The following ARID3C variants were observed in gnomAD, a reference collection of about 807,000 sequenced individuals.
ARID3C encodes AT-rich interactive domain-containing protein 3C.
ARID3C carries 42 observed loss-of-function variants against 37.9 expected under a neutral mutation model. The observed-to-expected ratio is 1.11, with a 90% CI of 0.87 to 1.43. The LOEUF (loss-of-function observed/expected upper bound fraction) is 1.43, where lower values mean the gene tolerates loss of function less well. Among genes scored for constraint, ARID3C ranks in the 40% most tolerant of loss-of-function variants. The pLI is 0.00. For missense variants in ARID3C, 581 were observed against 548.8 expected (o/e 1.06, Z -0.59); for synonymous variants, 213 against 228.0 (o/e 0.93, Z 0.59).
rs770397414 is a variant in ARID3C, at chr9:34,624,095, C to G, written c.392-48G>C. The G allele has an allele frequency of 5.9e-6, 9 of 1,520,028 alleles. No homozygotes were observed. In the Middle Eastern group the frequency reaches 1.5e-3, roughly 260 times the overall value. The allele number at this position is 1,520,028 out of a possible 1,614,324, so 94.2% of individuals were successfully genotyped here. On this transcript the variant is annotated intron_variant, in intron 2 of 6. Coordinates refer to ENST00000378909, the Ensembl canonical transcript of ARID3C. ...CAGGACACTGAGACGAAGACCCTGTCTGCAGCATCCCCAGGGACTGATACA... is the reference window on the plus strand; with the variant it reads ...CAGGACACTGAGACGAAGACCCTGTGTGCAGCATCCCCAGGGACTGATACA...
intron 3 of ARID3C, 31 bp downstream of exon 4, chr9:34,623,833 C>A: frequency 6.5e-7 from 1 of 1,541,978 alleles, no homozygotes. Context: ...ACCCGTGCCC[C>A]CTTCCCTTCC....
intron 2 of ARID3C, 145 bp downstream of exon 3, chr9:34,625,597 C>G (rs1820643835): frequency 1.9e-6 from 1 of 517,202 alleles, no homozygotes; most frequent in Non-Finnish European, 3.2e-6. Context: ...AGGAGGGGGA[C>G]AGGGTCAGAG....
chr9:34,623,349 A>T, intron 4 of ARID3C, 76 bp downstream of exon 5: 24 of 1,433,152 alleles, frequency 1.7e-5, no homozygotes, highest in Non-Finnish European at 2.2e-5. Flanking sequence ...CAATCCTCAC[A>T]TTTTAATGGT....
downstream of ARID3C, chr9:34,621,278 C>T (rs1386665708): frequency 6.2e-6 from 3 of 483,642 alleles, no homozygotes; most frequent in African/African-American, 4.1e-5. Flanking sequence ...AGGTGCCCTC[C>T]CTTTACAATG....
chr9:34,631,717 G>A (rs1191183640), upstream of ARID3C, among the ~76,000 whole-genome samples: 1 of 152,210 alleles, frequency 6.6e-6, no homozygotes, highest in African/African-American at 2.4e-5. Context: ...CCATAATTTA[G>A]CAGCTTAAAA....
upstream of ARID3C, chr9:34,628,170 A>G: frequency 9.7e-7 from 1 of 1,035,896 alleles, no homozygotes; most frequent in Non-Finnish European, 1.3e-6. This position sits in a 1 kb window ranked among gnomAD's most constrained non-coding sequence, Gnocchi z 5.2. Flanking sequence ...GGATTCAGGG[A>G]AGTGCAGGGG....
intron 1 of ARID3C, 74 bp from the exon 3 acceptor site, chr9:34,625,888 C>A: frequency 6.5e-7 from 1 of 1,535,788 alleles, no homozygotes; most frequent in Non-Finnish European, 9.0e-7. Flanking sequence ...TCAGGTTGTA[C>A]CCTGAACAAG....
At position 34,622,943 on chromosome 9, in the gene ARID3C, C is replaced by A. The variant is rs532441212; in HGVS notation, c.866-414G>T. On this transcript the variant is annotated intron_variant, in intron 4 of 6. Coordinates refer to ENST00000378909, the Ensembl canonical transcript of ARID3C. The stretch of plus-strand genomic sequence containing the variant: ...AGGGCGGATCACGTGGTCAGGAGAT[C>A]GAGACCATCCTGGCTAACACGGTGA... Among the ~76,000 whole-genome samples, 3 of 151,860 alleles carry A rather than the reference C, an allele frequency of 2.0e-5. No individual in the cohort carries two copies. In the East Asian group the frequency reaches 5.8e-4, roughly 29 times the overall value.
intron 4 of ARID3C, among the ~76,000 whole-genome samples, 186 bp downstream of exon 5, chr9:34,623,239 T>A (rs1446993078): frequency 2.0e-5 from 3 of 151,682 alleles, no homozygotes; most frequent in Non-Finnish European, 4.4e-5. Flanking sequence ...AGAGCTCTCA[T>A]TTGGCCGCAA....
chr9:34,627,988 T>C, exon 1 of ARID3C: 1 of 1,512,634 alleles, frequency 6.6e-7, no homozygotes, highest in Non-Finnish European at 8.9e-7. Context: ...CCAGCCGAGC[T>C]GCCTGCTGCT....
intron 2 of ARID3C, among the ~76,000 whole-genome samples, chr9:34,625,033 G>A (rs1010983790): frequency 6.6e-6 from 1 of 152,122 alleles, no homozygotes; most frequent in Non-Finnish European, 1.5e-5. Context: ...GGCCGGGAGT[G>A]GGAAGTGGGC....
chr9:34,626,351 C>T (rs893757918), intron 1 of ARID3C, among the ~76,000 whole-genome samples: 1 of 152,150 alleles, frequency 6.6e-6, no homozygotes, highest in Non-Finnish European at 1.5e-5. Context: ...ACACCCAGGG[C>T]CCTTCAGCTC....
At chr9:34,621,375 T>C, downstream of ARID3C, 3 of 1,005,252 alleles carry the variant, frequency 3.0e-6, no homozygotes, top group Non-Finnish European at 4.2e-6. Flanking sequence ...GGTCCCAGAG[T>C]GGGCAGCCAG....
chr9:34,624,240 A>C (rs894902417), intron 2 of ARID3C, among the ~76,000 whole-genome samples, 193 bp from the exon 4 acceptor site: 2 of 152,100 alleles, frequency 1.3e-5, no homozygotes, highest in African/African-American at 4.8e-5. Context: ...AAAGTTCTGT[A>C]AAAGGCCAGA....
At chr9:34,624,097 G>A in intron 2 of ARID3C, 50 bp from the exon 4 acceptor site, 3 of 1,518,882 alleles carry the variant, frequency 2.0e-6, no homozygotes, top group South Asian at 1.2e-5. Context: ...GACCCTGTCT[G>A]CAGCATCCCC....
rs1239688475 is a variant in ARID3C, at chr9:34,623,528, G to GGGGCC, written c.757_761dup (p.Ala258LeufsTer26). 8.3e-6 allele frequency: 13 copies of GGGGCC among 1,566,342 alleles called. No individual in the cohort carries two copies. In the Middle Eastern group the frequency reaches 1.0e-3, roughly 123 times the overall value. ...GGCTGGACTGGGTCGCCGGAGGGGC[G>GGGGCC]GGGCCGGGACCCAAGGCTGGGTCCT... On this transcript the variant is annotated frameshift_variant, in exon 4 of 7. Coordinates refer to ENST00000378909, the Ensembl canonical transcript of ARID3C. LOFTEE classifies it high-confidence loss of function.
intron 6 of ARID3C, 63 bp downstream of exon 7, chr9:34,621,957 T>TCCCCATGCCAGCCTAAATACCCCTGA: frequency 6.6e-7 from 1 of 1,509,078 alleles, no homozygotes. Context: ...AAGTCTAAAA[T>TCCCCATGCCAGCCTAAATACCCCTGA]CCCCATGCCA....
At chr9:34,627,150 G>A (rs1183640664) in intron 1 of ARID3C, among the ~76,000 whole-genome samples, 1 of 152,216 alleles carries the variant, frequency 6.6e-6, no homozygotes, top group Non-Finnish European at 1.5e-5. Context: ...CATGGGGCCA[G>A]GGTTAGGGAG....
At chr9:34,623,799 CT>C in intron 3 of ARID3C, 64 bp downstream of exon 4, 3 of 1,503,260 alleles carry the variant, frequency 2.0e-6, no homozygotes, top group Non-Finnish European at 2.7e-6. Context: ...CCCGGGGACC[CT>C]CCCCCCTCCC....
Sources: gnomAD v4.1 joint callset for allele counts (sites outside exome capture counted in the v4.1 genomes callset) on GRCh38, gnomAD v4.1.1 for gene constraint, Gnocchi (gnomAD v3.1) non-coding constraint, MANE v1.5 for transcripts, NCBI Gene and HGNC (gene_info 2026-07-23, HGNC 2026-07-21) for gene names.